The following MARCHF1 variants were observed in gnomAD, a reference collection of about 807,000 sequenced individuals.
MARCHF1 encodes the protein membrane associated ring-CH-type finger 1.
MARCHF1 carries 40 observed loss-of-function variants against 54.2 expected under a neutral mutation model. That is an observed-to-expected ratio of 0.74 (90% CI 0.57 to 0.96). MARCHF1 has a LOEUF of 0.96. MARCHF1 is among the 40% of genes least tolerant of loss of function. MARCHF1 has a pLI of 0.00. For missense variants in MARCHF1, 586 were observed against 656.5 expected (o/e 0.89, Z 1.17); for synonymous variants, 236 against 236.3 (o/e 1.00, Z 0.01).
At chr4:163,625,561 C>T (rs1741839786) in intron 5 of MARCHF1, among the ~76,000 whole-genome samples, 1 of 152,150 alleles carries the variant, frequency 6.6e-6, no homozygotes, top group South Asian at 2.1e-4. Context: ...ATGCTGATTG[C>T]AGTAGAGATA....
chr4:163,728,694 G>T (rs1431061590), intron 4 of MARCHF1, among the ~76,000 whole-genome samples: 2 of 152,072 alleles, frequency 1.3e-5, no homozygotes, highest in East Asian at 1.9e-4. Context: ...TAGCCTTTTT[G>T]ATTTTGTTGA....
chr4:164,136,600 A>G (rs773779621), intron 1 of MARCHF1, among the ~76,000 whole-genome samples: 118 of 152,308 alleles, frequency 7.7e-4, no homozygotes, highest in Non-Finnish European at 1.2e-3. Context: ...AGAGCTGTGT[A>G]TCTTACTCAG....
chr4:163,648,612 TA>T (rs34542365), intron 5 of MARCHF1, among the ~76,000 whole-genome samples: 26,424 of 104,934 alleles, frequency 0.25, 4,071 homozygotes, highest in East Asian at 0.51. Flanking sequence ...GCCCATGAGC[TA>T]AAAAAAAAAA....
intron 4 of MARCHF1, among the ~76,000 whole-genome samples, chr4:163,785,166 A>T (rs1425002742): frequency 6.6e-6 from 1 of 152,150 alleles, no homozygotes; most frequent in Non-Finnish European, 1.5e-5. Context: ...GTGCGCTAGA[A>T]ATCAGAATCA....
chr4:163,896,978 A>T (rs1029353162), intron 3 of MARCHF1, among the ~76,000 whole-genome samples: 3 of 152,172 alleles, frequency 2.0e-5, no homozygotes, highest in Non-Finnish European at 4.4e-5. Context: ...CATTTCTTGA[A>T]TATTTGAGCT....
At chr4:164,371,501 C>CA (rs1279768936) in intron 1 of MARCHF1, among the ~76,000 whole-genome samples, 3 of 151,926 alleles carry the variant, frequency 2.0e-5, no homozygotes, top group African/African-American at 7.3e-5. Flanking sequence ...ATGTAAATGA[C>CA]AAAAAGTTAG....
At chr4:163,556,072 C>G (rs1398665970) in intron 8 of MARCHF1, 4 of 427,160 alleles carry the variant, frequency 9.4e-6, no homozygotes, top group Non-Finnish European at 1.9e-5. Flanking sequence ...AGTTGACTTA[C>G]CCAGTCATTA....
chr4:163,935,295 T>C (rs1751769279), intron 3 of MARCHF1, among the ~76,000 whole-genome samples: 1 of 152,224 alleles, frequency 6.6e-6, no homozygotes. Flanking sequence ...AGTCGGGCAT[T>C]GACTTATCTT....
chr4:163,612,511 G>A lies in MARCHF1; in HGVS notation c.770C>T (p.Ser257Phe), dbSNP rs1276232031. 5 of 1,535,214 alleles carry A rather than the reference G, an allele frequency of 3.3e-6. No homozygotes were observed. The highest frequency in any genetic ancestry group is 4.4e-6 in the Non-Finnish European group (5 of 1,146,478). ...TTTGCTCTTCTCATGATTCCTTGAG[G>A]ATCTCTTAATTTCAGAGGACCCTTG... is the stretch of plus-strand genomic sequence containing the variant. ...LTQGSSEIKR[S>F]SRNHEKSKGR... Residue 257 changes from serine to phenylalanine, a missense_variant, in exon 7 of 10, where the codon TCC becomes TTC. This residue lies in a region of MARCHF1 where 387 missense variants were observed against 394.6 expected (regional missense o/e 0.98). Coordinates refer to ENST00000514618, the MANE Select transcript of MARCHF1 (RefSeq NM_001394959.1).
At chr4:163,967,629 G>A (rs577719359) in intron 3 of MARCHF1, among the ~76,000 whole-genome samples, 4 of 152,072 alleles carry the variant, frequency 2.6e-5, no homozygotes, top group Non-Finnish European at 5.9e-5. Context: ...CTTAGTCAGG[G>A]CTCTCCAGAG....
chr4:164,237,161 C>A (rs1732585194), intron 1 of MARCHF1, among the ~76,000 whole-genome samples: 1 of 152,096 alleles, frequency 6.6e-6, no homozygotes, highest in Admixed American at 6.6e-5. Flanking sequence ...TTGAATACAT[C>A]ATTTACACCT....
intron 1 of MARCHF1, among the ~76,000 whole-genome samples, chr4:164,308,428 C>T (rs1185614784): frequency 3.9e-5 from 6 of 152,076 alleles, no homozygotes; most frequent in Admixed American, 3.9e-4. Context: ...GATTTTAAAT[C>T]ACACTCCCTG....
chr4:163,901,320 G>A (rs1750936063), intron 3 of MARCHF1, among the ~76,000 whole-genome samples: 1 of 152,178 alleles, frequency 6.6e-6, no homozygotes, highest in African/African-American at 2.4e-5. Flanking sequence ...GTAGTTATTA[G>A]TAGCAGGGCT....
intron 3 of MARCHF1, among the ~76,000 whole-genome samples, chr4:163,874,490 C>G (rs1462600167): frequency 2.0e-5 from 3 of 147,712 alleles, no homozygotes; most frequent in Admixed American, 6.7e-5. Flanking sequence ...ATTATGGGTT[C>G]CTCCCACACT....
intron 1 of MARCHF1, among the ~76,000 whole-genome samples, chr4:164,178,001 C>T (rs1730735992): frequency 6.6e-6 from 1 of 152,152 alleles, no homozygotes; most frequent in African/African-American, 2.4e-5. Context: ...GACAGAATGT[C>T]ACTGAAATAT....
chr4:163,881,048 C>A (rs1311898162), intron 3 of MARCHF1, among the ~76,000 whole-genome samples: 1 of 152,156 alleles, frequency 6.6e-6, no homozygotes, highest in African/African-American at 2.4e-5. Context: ...AAACCAGCAT[C>A]ATTACAGATG....
intron 2 of MARCHF1, among the ~76,000 whole-genome samples, chr4:164,096,914 A>C (rs1378172101): frequency 6.6e-6 from 1 of 152,160 alleles, no homozygotes; most frequent in African/African-American, 2.4e-5. Flanking sequence ...TACTATGCCT[A>C]AACTATGAAG....
intron 1 of MARCHF1, among the ~76,000 whole-genome samples, chr4:164,281,954 C>T (rs563778688): frequency 7.0e-6 from 1 of 143,072 alleles, no homozygotes; most frequent in Non-Finnish European, 1.5e-5. Flanking sequence ...AATCCCCACA[C>T]CAGTCACATG....
intron 1 of MARCHF1, among the ~76,000 whole-genome samples, chr4:164,142,179 G>C (rs931384813): frequency 5.9e-5 from 9 of 152,178 alleles, no homozygotes; most frequent in African/African-American, 1.9e-4. Context: ...CTATGCCCAC[G>C]GAGACTCGCT....
Sources: allele counts gnomAD v4.1 joint callset (sites outside exome capture counted in the v4.1 genomes callset), GRCh38; gene constraint gnomAD v4.1.1; regional missense constraint gnomAD v4.1.1; transcripts MANE v1.5; gene names NCBI Gene and HGNC (gene_info 2026-07-23, HGNC 2026-07-21).